Variants in XPO4 observed in about 807,000 individuals in gnomAD.
XPO4 encodes exportin-4.
XPO4 carries 39 observed loss-of-function variants against 143.0 expected under a neutral mutation model. The ratio of observed to expected loss-of-function variants is 0.27; its 90% CI spans 0.21 to 0.36. XPO4 has a LOEUF of 0.36. XPO4 is among the 10% of genes least tolerant of loss of function. XPO4 has a pLI of 1.00. For synonymous variants in XPO4, 439 were observed against 474.0 expected (o/e 0.93, Z 0.96); for missense variants, 907 against 1,348.0 (o/e 0.67, Z 5.12).
At position 20,799,347 on chromosome 13, in the gene XPO4, T is replaced by G; in HGVS notation, c.2148-8A>C. 6.2e-7 allele frequency: 1 copy of G among 1,610,646 alleles called. No homozygotes were observed. Among genetic ancestry groups the G allele is most frequent in the Middle Eastern group, 1.7e-4 (1 of 6,044 alleles). On this transcript the variant is annotated splice_region_variant and splice_polypyrimidine_tract_variant and intron_variant, in intron 15 of 22. Coordinates refer to ENST00000255305, the MANE Select transcript of XPO4 (RefSeq NM_022459.5). ...TGAATTACTAAGTTTGCCCTACAGG[T>G]AGAAATAACAAAACATAAGATGTAT... is the stretch of plus-strand genomic sequence containing the variant.
chr13:20,800,009 T>A, intron 15 of XPO4, 147 bp downstream of exon 15: 2 of 857,454 alleles, frequency 2.3e-6, no homozygotes, highest in African/African-American at 1.7e-5. Context: ...ACATAGTTTT[T>A]AAAACCCATT....
chr13:20,881,995 C>T (rs970865375), intron 1 of XPO4, among the ~76,000 whole-genome samples: 1 of 150,956 alleles, frequency 6.6e-6, no homozygotes, highest in Non-Finnish European at 1.5e-5. Context: ...CCGTAGTCCT[C>T]GCTACTTGGG....
At chr13:20,858,401 T>C (rs2060165147) in intron 3 of XPO4, among the ~76,000 whole-genome samples, 1 of 152,214 alleles carries the variant, frequency 6.6e-6, no homozygotes, top group Non-Finnish European at 1.5e-5. Flanking sequence ...AGTATCATGA[T>C]GTCTGTGGCA....
At chr13:20,823,727 T>C (rs1465903981) in intron 7 of XPO4, among the ~76,000 whole-genome samples, 11 of 152,108 alleles carry the variant, frequency 7.2e-5, no homozygotes, top group African/African-American at 2.2e-4. Flanking sequence ...TCTCAGCTCA[T>C]AGCAACCTCC....
At chr13:20,820,181 G>A (rs1312884983) in intron 9 of XPO4, among the ~76,000 whole-genome samples, 1 of 152,214 alleles carries the variant, frequency 6.6e-6, no homozygotes, top group East Asian at 1.9e-4. Context: ...GAGCACGCCT[G>A]CTGTGAAATA....
chr13:20,868,532 T>G, intron 2 of XPO4, 64 bp downstream of exon 2: 2 of 1,556,230 alleles, frequency 1.3e-6, no homozygotes, highest in South Asian at 2.4e-5. Context: ...TAGCTAATGT[T>G]TAAGACAGCA....
chr13:20,881,476 T>C (rs1334690526), intron 1 of XPO4, among the ~76,000 whole-genome samples: 2 of 152,002 alleles, frequency 1.3e-5, no homozygotes, highest in Non-Finnish European at 2.9e-5. Flanking sequence ...TTCACTGTGT[T>C]AGCCAGGATG....
chr13:20,813,051 ACAAT>A (rs762428867), intron 9 of XPO4, among the ~76,000 whole-genome samples: 1 of 152,206 alleles, frequency 6.6e-6, no homozygotes, highest in Non-Finnish European at 1.5e-5. Context: ...CAGGAAACTT[ACAAT>A]CATGGTGGAA....
rs988901981 is a variant in XPO4, at chr13:20,858,135, A to G, written c.318-2370T>C. 1.3e-5 allele frequency among the ~76,000 whole-genome samples: 2 copies of G among 152,112 alleles called. 1 individual carries two copies. Among genetic ancestry groups the G allele is most frequent in the African/African-American group, 4.8e-5 (2 of 41,424 alleles). On this transcript the variant is annotated intron_variant, in intron 3 of 22. Transcript: ENST00000255305. ...GATTAAAAGAGACATGACTAAATAC[A>G]CTGTACAATCTCTGGCTCACCTAGA...
rs368162009 is a variant in XPO4, at chr13:20,804,551, G to A, written c.1817+2906C>T. Among the ~76,000 whole-genome samples, 129 of 152,086 alleles carry A rather than the reference G, an allele frequency of 8.5e-4. 3 individuals carry two copies. In the South Asian group the frequency reaches 0.025, roughly 30 times the overall value. ...TGGTTCTCCTCTGCCCGTAGATTAG[G>A]GGAACCAGGAGCTCCTATAACACCC... On this transcript the variant is annotated intron_variant, in intron 13 of 22. Coordinates refer to ENST00000255305, the MANE Select transcript of XPO4 (RefSeq NM_022459.5).
At chr13:20,792,295 A>C (rs1239880592) in intron 18 of XPO4, among the ~76,000 whole-genome samples, 1 of 152,094 alleles carries the variant, frequency 6.6e-6, no homozygotes, top group Non-Finnish European at 1.5e-5. Context: ...AAAATACAAA[A>C]AATTAGCCAG....
intron 1 of XPO4, among the ~76,000 whole-genome samples, chr13:20,886,302 A>G (rs920421104): frequency 2.6e-5 from 4 of 151,658 alleles, no homozygotes; most frequent in Non-Finnish European, 5.9e-5. Context: ...AAAAAAAATC[A>G]TAATGGAAAT....
intron 18 of XPO4, among the ~76,000 whole-genome samples, chr13:20,795,822 G>A (rs187456470): frequency 1.4e-4 from 22 of 152,278 alleles, no homozygotes; most frequent in African/African-American, 4.8e-4. Flanking sequence ...TCATACCATT[G>A]TGAGAGGTAA....
At chr13:20,848,556 C>T in intron 4 of XPO4, 5 of 985,234 alleles carry the variant, frequency 5.1e-6, no homozygotes, top group Non-Finnish European at 6.0e-6. Context: ...AAAATGACAA[C>T]CACCTATTTC....
At chr13:20,853,795 C>T (rs1399164221) in intron 4 of XPO4, among the ~76,000 whole-genome samples, 3 of 152,104 alleles carry the variant, frequency 2.0e-5, no homozygotes, top group African/African-American at 4.8e-5. Flanking sequence ...AAATTCAGTT[C>T]TTCAGTCACC....
chr13:20,813,068 C>T (rs34936030), intron 9 of XPO4, among the ~76,000 whole-genome samples: 9,103 of 151,954 alleles, frequency 0.06, 685 homozygotes, highest in African/African-American at 0.18. Flanking sequence ...TGGTGGAAGG[C>T]GAAGGGGAAG....
At chr13:20,815,313 T>C (rs1240095800) in intron 9 of XPO4, among the ~76,000 whole-genome samples, 11 of 152,186 alleles carry the variant, frequency 7.2e-5, no homozygotes, top group Non-Finnish European at 1.6e-4. Context: ...CTATGGACTC[T>C]GGATGGCGAT....
chr13:20,808,934 C>T (rs1021942559), intron 11 of XPO4, 149 bp downstream of exon 11: 10 of 901,308 alleles, frequency 1.1e-5, no homozygotes, highest in African/African-American at 5.0e-5. Flanking sequence ...AGCCAAGGAA[C>T]GCAATCATGA....
intron 15 of XPO4, among the ~76,000 whole-genome samples, chr13:20,799,858 A>G (rs1471992832): frequency 6.6e-6 from 1 of 152,206 alleles, no homozygotes; most frequent in East Asian, 1.9e-4. Flanking sequence ...TCAAATGAGC[A>G]TATTCCACAT....
Sources: gnomAD v4.1 joint callset for allele counts (sites outside exome capture counted in the v4.1 genomes callset) on GRCh38, gnomAD v4.1.1 for gene constraint, MANE v1.5 for transcripts, NCBI Gene and HGNC (gene_info 2026-07-23, HGNC 2026-07-21) for gene names.